The following CWF19L2 variants were observed in gnomAD, a reference collection of about 807,000 sequenced individuals.
The protein encoded by CWF19L2 is CWF19 like cell cycle control factor 2.
Under a neutral mutation model 111.7 loss-of-function variants are expected in CWF19L2, and 98 were observed. The observed-to-expected ratio is 0.88, with a 90% CI of 0.75 to 1.04. The LOEUF (loss-of-function observed/expected upper bound fraction) is 1.04. Ranked by LOEUF, CWF19L2 falls within the 50% of genes least tolerant of loss-of-function variation. The pLI, the probability that CWF19L2 is intolerant of heterozygous loss-of-function variation, is 0.00. For synonymous variants in CWF19L2, 351 were observed against 342.9 expected (o/e 1.02, Z -0.26); for missense variants, 1,101 against 1,051.4 (o/e 1.05, Z -0.65).
intron 8 of CWF19L2, among the ~76,000 whole-genome samples, chr11:107,427,728 A>C (rs1015713075): frequency 1.3e-5 from 2 of 152,130 alleles, no homozygotes; most frequent in East Asian, 1.9e-4. Context: ...TTACATATGC[A>C]TACAGCCTTA....
intron 17 of CWF19L2, among the ~76,000 whole-genome samples, chr11:107,329,479 AC>A (rs1859811378): frequency 6.6e-6 from 1 of 152,132 alleles, no homozygotes; most frequent in Non-Finnish European, 1.5e-5. Flanking sequence ...TTAGCGCATT[AC>A]CCTGGGCAAG....
chr11:107,402,242 A>C (rs529347155), intron 10 of CWF19L2, among the ~76,000 whole-genome samples: 1 of 152,316 alleles, frequency 6.6e-6, no homozygotes, highest in Admixed American at 6.5e-5. Context: ...GGGACCTATT[A>C]AACTAAAGAG....
At chr11:107,430,301 T>C (rs1861447639) in intron 7 of CWF19L2, among the ~76,000 whole-genome samples, 1 of 151,570 alleles carries the variant, frequency 6.6e-6, no homozygotes, top group South Asian at 2.1e-4. Context: ...AATAACAAAT[T>C]ATCCACAAAG....
At chr11:107,434,266 C>T (rs1179908125) in intron 6 of CWF19L2, among the ~76,000 whole-genome samples, 1 of 151,844 alleles carries the variant, frequency 6.6e-6, no homozygotes, top group African/African-American at 2.4e-5. Flanking sequence ...AATAAGGAGG[C>T]TATGGAAGAT....
At chr11:107,447,978 A>T (rs1406793491) in intron 3 of CWF19L2, among the ~76,000 whole-genome samples, 1 of 152,146 alleles carries the variant, frequency 6.6e-6, no homozygotes, top group Non-Finnish European at 1.5e-5. Context: ...ACATCTAATG[A>T]TAAAAAAAAA....
At chr11:107,412,493 A>G (rs1861171242) in intron 10 of CWF19L2, among the ~76,000 whole-genome samples, 1 of 152,162 alleles carries the variant, frequency 6.6e-6, no homozygotes, top group Non-Finnish European at 1.5e-5. Context: ...GGTGCCCACC[A>G]CCATGCCCAG....
intron 10 of CWF19L2, among the ~76,000 whole-genome samples, chr11:107,402,660 A>G (rs1416994507): frequency 6.6e-6 from 1 of 151,962 alleles, no homozygotes; most frequent in Non-Finnish European, 1.5e-5. Flanking sequence ...GCCACTATGG[A>G]AAACAGTGTG....
intron 10 of CWF19L2, among the ~76,000 whole-genome samples, chr11:107,412,352 GT>G (rs1861168961): frequency 6.6e-6 from 1 of 151,906 alleles, no homozygotes; most frequent in South Asian, 2.1e-4. Context: ...GGGTTTTTTT[GT>G]TTTTTGAGAT....
At chr11:107,329,123 A>G (rs1565239810) in intron 17 of CWF19L2, among the ~76,000 whole-genome samples, 1 of 152,154 alleles carries the variant, frequency 6.6e-6, no homozygotes, top group Non-Finnish European at 1.5e-5. Flanking sequence ...CTACATAGGG[A>G]TAAATATGAA....
In CWF19L2 at chr11:107,326,921, T is replaced by A; in HGVS notation, c.2674A>T (p.Lys892Ter). 2 of 1,597,682 alleles carry A rather than the reference T, an allele frequency of 1.3e-6. No individual in the cohort carries two copies. The highest frequency in any genetic ancestry group is 4.5e-5 in the East Asian group (2 of 44,230). The change falls in exon 18 of 18, where the codon AAA becomes TAA. Residue 892 changes from lysine (K) to a stop codon, truncating the protein, a stop_gained. Coordinates refer to ENST00000282251, the MANE Select transcript of CWF19L2 (RefSeq NM_152434.3). LOFTEE classifies it high-confidence loss of function. ...WWKPYDFTKS[K>*]NY Reference sequence around the variant, plus strand: ...ATGGAAGGTACACCTCAATAGTTTTTACTTTTGGTGAAGTCATATGGTTTC... The same window carrying A: ...ATGGAAGGTACACCTCAATAGTTTTAACTTTTGGTGAAGTCATATGGTTTC...
chr11:107,456,395 C>T (rs962260230), intron 1 of CWF19L2, among the ~76,000 whole-genome samples: 2 of 151,940 alleles, frequency 1.3e-5, no homozygotes, highest in African/African-American at 4.8e-5. Flanking sequence ...TCTCAACTTA[C>T]GAAACTTACT....
chr11:107,442,535 T>C (rs1861632530), intron 4 of CWF19L2, among the ~76,000 whole-genome samples: 1 of 5,948 alleles, frequency 1.7e-4, no homozygotes, highest in South Asian at 0.012. Context: ...ATAAAAAAAT[T>C]AGCCAGGCGT....
At position 107,329,933 on chromosome 11, in the gene CWF19L2, A is replaced by T; in HGVS notation, c.2526T>A (p.Pro842=). 6.3e-7 allele frequency: 1 copy of T among 1,580,636 alleles called. No homozygotes were observed. Among genetic ancestry groups the T allele is most frequent in the Non-Finnish European group, 8.6e-7 (1 of 1,165,070 alleles). ...AHVIEDQHKF[P]HYFGKEIIGG... is the part of the protein sequence containing the mutation. Reference sequence around the variant, plus strand: ...GTAAGCCTACCTTTCCAAAGTAATGAGGGAATTTGTGCTGATCTTCAATGA... The same window carrying T: ...GTAAGCCTACCTTTCCAAAGTAATGTGGGAATTTGTGCTGATCTTCAATGA... Residue 842 remains proline, a synonymous_variant, in exon 17 of 18, where the codon CCT becomes CCA. Transcript: ENST00000282251.
intron 12 of CWF19L2, among the ~76,000 whole-genome samples, chr11:107,358,908 GGACTTAGAAC>G (rs1015984468): frequency 6.6e-6 from 1 of 152,098 alleles, no homozygotes; most frequent in African/African-American, 2.4e-5. Context: ...GGATGGTCAG[GGACTTAGAAC>G]ACAATTAGAG....
Position 107,374,305 on chromosome 11 carries a change from A to G in CWF19L2, c.1872+15769T>C, listed in dbSNP as rs1453038659. Among the ~76,000 whole-genome samples the G allele has an allele frequency of 3.8e-4, 49 of 130,568 alleles. 6 individuals carry two copies. The highest frequency in any genetic ancestry group is 2.4e-3 in the Admixed American group (32 of 13,388). 85.7% of individuals were successfully genotyped at this position (130,568 alleles called of 152,430 possible). A position where few individuals can be genotyped will look rare whatever the true frequency, so the allele number is the denominator to read the frequency against. On this transcript the variant is annotated intron_variant, in intron 12 of 17. Transcript: ENST00000282251. ...ATACTCCTCGAGAAGAGCAACACCA[A>G]GACACATAATTGTCAGATTCACCAA...
chr11:107,374,393 G>A lies in CWF19L2; in HGVS notation c.1872+15681C>T, dbSNP rs1358000849. Among the ~76,000 whole-genome samples, 4 of 134,316 alleles carry A rather than the reference G, an allele frequency of 3.0e-5. 1 individual carries two copies. Among genetic ancestry groups the A allele is most frequent in the African/African-American group, 1.2e-4 (4 of 32,376 alleles). 88.1% of individuals were successfully genotyped at this position (134,316 alleles called of 152,430 possible). A position where few individuals can be genotyped will look rare whatever the true frequency, so the allele number is the denominator to read the frequency against. ...GAGAAAGGTTGGGTTACCCTCAAAGGGAAGCCCATCAGACTAACAGCAGAT... is the reference window on the plus strand; with the variant it reads ...GAGAAAGGTTGGGTTACCCTCAAAGAGAAGCCCATCAGACTAACAGCAGAT... On this transcript the variant is annotated intron_variant, in intron 12 of 17. Coordinates refer to ENST00000282251, the MANE Select transcript of CWF19L2 (RefSeq NM_152434.3).
At chr11:107,343,957 G>GT (rs143743867) in intron 14 of CWF19L2, among the ~76,000 whole-genome samples, 1,972 of 152,250 alleles carry the variant, frequency 0.013, 23 homozygotes, top group South Asian at 0.039. Context: ...GCTCACGCTT[G>GT]TAATTCCAGC....
chr11:107,397,072 G>C (rs1399916422), intron 10 of CWF19L2, among the ~76,000 whole-genome samples: 1 of 152,170 alleles, frequency 6.6e-6, no homozygotes, highest in Non-Finnish European at 1.5e-5. Context: ...TCCAACAGGA[G>C]GGTGGCCAGA....
At chr11:107,455,584 A>G in intron 2 of CWF19L2, 82 bp downstream of exon 2, 1 of 755,994 alleles carries the variant, frequency 1.3e-6, no homozygotes, top group South Asian at 2.0e-5. Context: ...AACATTCTAT[A>G]AAATTATTCA....
Sources: allele counts gnomAD v4.1 joint callset (sites outside exome capture counted in the v4.1 genomes callset), GRCh38; gene constraint gnomAD v4.1.1; transcripts MANE v1.5; gene names NCBI Gene and HGNC (gene_info 2026-07-23, HGNC 2026-07-21).